The following TUBGCP4 variants were observed in gnomAD, a reference collection of about 807,000 sequenced individuals.
TUBGCP4 encodes the protein tubulin gamma complex component 4, also known as gamma-tubulin complex component 4.
TUBGCP4 carries 54 observed loss-of-function variants against 91.6 expected under a neutral mutation model. That is an observed-to-expected ratio of 0.59 (90% CI 0.47 to 0.74). The LOEUF (loss-of-function observed/expected upper bound fraction) is 0.74, where lower values mean the gene tolerates loss of function less well. TUBGCP4 is among the 30% of genes least tolerant of loss of function. The pLI, the probability that TUBGCP4 is intolerant of heterozygous loss-of-function variation, is 0.00. For synonymous variants in TUBGCP4, 297 were observed against 302.8 expected (o/e 0.98, Z 0.20); for missense variants, 593 against 800.9 (o/e 0.74, Z 3.13).
Position 43,408,920 on chromosome 15 carries a change from A to G in TUBGCP4, c.*3706A>G, listed in dbSNP as rs763759838. 1.4e-5 allele frequency: 23 copies of G among 1,614,138 alleles called. No individual in the cohort carries two copies. Among genetic ancestry groups the G allele is most frequent in the Non-Finnish European group, 1.8e-5 (21 of 1,180,010 alleles). On this transcript the variant is annotated 3_prime_UTR_variant, in exon 18 of 18. Transcript: ENST00000564079. ...ACCAGTCCAGAATTCTTTGCTCCTC[A>G]AGGCTGTACCCAGCTGGCAACAGAT...
At position 43,409,251 on chromosome 15, in the gene TUBGCP4, TG is replaced by T; in HGVS notation, c.*4039del. On this transcript the variant is annotated 3_prime_UTR_variant, in exon 18 of 18. Transcript: ENST00000564079. Reference sequence around the variant, plus strand: ...TCCTGCCCAAGGCCACTCTTCTCACTGGAAGGCCCAAGTAATTTCCATAGAT... The same window carrying T: ...TCCTGCCCAAGGCCACTCTTCTCACTGAAGGCCCAAGTAATTTCCATAGAT... 4.5e-6 allele frequency: 3 copies of T among 666,310 alleles called. No homozygotes were observed. Among genetic ancestry groups the T allele is most frequent in the Non-Finnish European group, 7.7e-6 (3 of 387,720 alleles). 41.3% of individuals were successfully genotyped at this position (666,310 alleles called of 1,614,324 possible).
chr15:43,397,403 G>C, intron 12 of TUBGCP4, 82 bp downstream of exon 12: 1 of 1,015,070 alleles, frequency 9.9e-7, no homozygotes, highest in Non-Finnish European at 1.6e-6. Context: ...CCCCGCCACA[G>C]AAACCATATG....
intron 16 of TUBGCP4, chr15:43,404,194 T>C (rs1295050921): frequency 3.5e-6 from 2 of 564,552 alleles, no homozygotes; most frequent in Non-Finnish European, 6.2e-6. Flanking sequence ...AGCTACTAAA[T>C]TCCTACTGAT....
Position 43,401,910 on chromosome 15 carries a change from G to C in TUBGCP4, c.1731+60G>C, listed in dbSNP as rs2444036. The C allele has an allele frequency of 0.17, 274,574 of 1,574,486 alleles. 35,952 individuals are homozygous for C. The highest frequency in any genetic ancestry group is 0.64 in the African/African-American group (46,929 of 73,040). On this transcript the variant is annotated intron_variant, in intron 15 of 17. Transcript: ENST00000564079. ...CTACCACTGACCATTCCCTTAGGCA[G>C]TTTGAGTTGACAGGATACGAAACCA...
rs1262921923 is a variant in TUBGCP4, at chr15:43,407,586, G to A, written c.*2372G>A. The A allele has an allele frequency of 1.9e-6, 3 of 1,600,326 alleles. No homozygotes were observed. The highest frequency in any genetic ancestry group is 2.6e-6 in the Non-Finnish European group (3 of 1,171,346). On this transcript the variant is annotated 3_prime_UTR_variant, in exon 18 of 18. Transcript: ENST00000564079. ...AAAGCAATATCTGCAAGGAGCAAGGGAAAGTGAAGAAGGAAAGGACACTCA... is the reference window on the plus strand; with the variant it reads ...AAAGCAATATCTGCAAGGAGCAAGGAAAAGTGAAGAAGGAAAGGACACTCA...
At chr15:43,386,735 A>G (rs1057472767) in intron 9 of TUBGCP4, among the ~76,000 whole-genome samples, 3 of 150,894 alleles carry the variant, frequency 2.0e-5, no homozygotes, top group Non-Finnish European at 3.0e-5. Context: ...CAAAAAAAAA[A>G]AAAAAAAAAA....
At chr15:43,391,843 G>C (rs920294279) in intron 9 of TUBGCP4, 2 of 152,210 alleles carry the variant, frequency 1.3e-5, no homozygotes, top group Non-Finnish European at 2.9e-5. Flanking sequence ...TTGATGTCAG[G>C]AGTTTGAGAC....
Position 43,404,293 on chromosome 15 carries a change from A to G in TUBGCP4, c.1849-120A>G. 8.2e-6 allele frequency: 10 copies of G among 1,221,664 alleles called. No homozygotes were observed. The South Asian group carries it at 1.5e-4, about 19-fold the overall frequency. 75.7% of individuals were successfully genotyped at this position (1,221,664 alleles called of 1,614,324 possible). On this transcript the variant is annotated intron_variant, in intron 16 of 17. Transcript: ENST00000564079. ...ATAGAAATAGGAATGTGGGAAGGCC[A>G]GGTGGTTCTGTAGAATTTTGAACAA...
rs1341346737 is a variant in TUBGCP4 at position 43,409,443 on chromosome 15, A to G, written c.*4229A>G. ...TTGTCCCAGCAACAGAACCATAGCC[A>G]TTAACTAACCCAAGGTCCTACCTTC... On this transcript the variant is annotated 3_prime_UTR_variant, in exon 18 of 18. Coordinates refer to ENST00000564079, the MANE Select transcript of TUBGCP4 (RefSeq NM_014444.5). The G allele has an allele frequency of 1.3e-5, 7 of 536,952 alleles. No homozygotes were observed. The East Asian group carries it at 2.0e-4, about 16-fold the overall frequency. The allele number at this position is 536,952 out of a possible 1,614,324, so 33.3% of individuals were successfully genotyped here.
At chr15:43,391,859 T>A (rs1001382397) in intron 9 of TUBGCP4, 3 of 152,236 alleles carry the variant, frequency 2.0e-5, no homozygotes, top group African/African-American at 7.2e-5. Context: ...GAGACCAGCC[T>A]GGCCAACATG....
Position 43,404,415 on chromosome 15 carries a change from CTTTAG to C in TUBGCP4, c.1852_1856del (p.Phe618ProfsTer32). The C allele has an allele frequency of 6.2e-7, 1 of 1,614,054 alleles. No homozygotes were observed. On this transcript the variant is annotated frameshift_variant, in exon 17 of 18. Coordinates refer to ENST00000564079, the MANE Select transcript of TUBGCP4 (RefSeq NM_014444.5). LOFTEE classifies it high-confidence loss of function. ...CAGCTGAGTCCTTCTCTCTGCAGGG[CTTTAG>C]CCGCCAGTCTTCACTCCTGTTCAAG...
At chr15:43,388,043 G>T (rs902268205) in intron 9 of TUBGCP4, among the ~76,000 whole-genome samples, 6 of 151,822 alleles carry the variant, frequency 4.0e-5, no homozygotes, top group African/African-American at 1.4e-4. Context: ...AGAGATGGGG[G>T]TTTCACCATG....
chr15:43,383,365 T>TC lies in TUBGCP4; in HGVS notation c.586dup (p.Leu196ProfsTer6). The TC allele has an allele frequency of 6.2e-7, 1 of 1,614,196 alleles. No individual in the cohort carries two copies. Among genetic ancestry groups the TC allele is most frequent in the Non-Finnish European group, 8.5e-7 (1 of 1,180,036 alleles). On this transcript the variant is annotated frameshift_variant, in exon 7 of 18. Coordinates refer to ENST00000564079, the MANE Select transcript of TUBGCP4 (RefSeq NM_014444.5). LOFTEE classifies it high-confidence loss of function. ...CTCTCAGCCTGGATGCTCCATGGAC[T>TC]CCTCTTGGACCAGCATGAAGAATTC... is the stretch of plus-strand genomic sequence containing the variant.
At chr15:43,375,020 A>G (rs771343705) in intron 1 of TUBGCP4, among the ~76,000 whole-genome samples, 20 of 152,210 alleles carry the variant, frequency 1.3e-4, no homozygotes, top group Middle Eastern at 3.2e-3. Context: ...CTCATGCCTC[A>G]GCCTCCCAAG....
intron 4 of TUBGCP4, chr15:43,377,611 C>CAAAAAAAAAAAAAA: frequency 7.8e-6 from 2 of 257,298 alleles, no homozygotes; most frequent in South Asian, 3.9e-5. Flanking sequence ...GACCCTGTCT[C>CAAAAAAAAAAAAAA]AAAAAAAAAA....
In TUBGCP4 at chr15:43,403,955, A is replaced by T. The variant is rs910362530; in HGVS notation, c.1848+156A>T. 7 of 612,842 alleles carry T rather than the reference A, an allele frequency of 1.1e-5. No individual in the cohort carries two copies. In the African/African-American group the frequency reaches 1.8e-4, roughly 15 times the overall value. The allele number at this position is 612,842 out of a possible 1,614,324, so 38.0% of individuals were successfully genotyped here. A position where few individuals can be genotyped will look rare whatever the true frequency, so the allele number is the denominator to read the frequency against. ...AAGATAAAAATGTTGGTATCAGTTGATTTTGAAGCAGGTAATACTGTGCCA... is the reference window on the plus strand; with the variant it reads ...AAGATAAAAATGTTGGTATCAGTTGTTTTTGAAGCAGGTAATACTGTGCCA... On this transcript the variant is annotated intron_variant, in intron 16 of 17. Coordinates refer to ENST00000564079, the MANE Select transcript of TUBGCP4 (RefSeq NM_014444.5).
At chr15:43,401,642 A>T in intron 14 of TUBGCP4, 74 bp from the exon 15 acceptor site, 2 of 1,497,902 alleles carry the variant, frequency 1.3e-6, no homozygotes, top group Non-Finnish European at 1.8e-6. Flanking sequence ...TTTCATTTCA[A>T]TCTGTCAGGC....
At position 43,405,261 on chromosome 15, in the gene TUBGCP4, G is replaced by A. The variant is rs3742973; in HGVS notation, c.*47G>A. The A allele has an allele frequency of 2.8e-4, 457 of 1,607,472 alleles. 3 individuals carry two copies. The East Asian group carries it at 9.4e-3, about 33-fold the overall frequency. ...AAATAACAGCCACGTTCCCAAGGTT[G>A]TAACAGAAGATTCAAAACATCCCAT... On this transcript the variant is annotated 3_prime_UTR_variant, in exon 18 of 18. Coordinates refer to ENST00000564079, the MANE Select transcript of TUBGCP4 (RefSeq NM_014444.5).
intron 14 of TUBGCP4, 45 bp from the exon 15 acceptor site, chr15:43,401,671 G>C (rs1185272218): frequency 6.2e-7 from 1 of 1,605,092 alleles, no homozygotes; most frequent in East Asian, 2.2e-5. Context: ...GTCTTCGAGT[G>C]CTTAGAATAT....
Sources: allele counts gnomAD v4.1 joint callset (sites outside exome capture counted in the v4.1 genomes callset), GRCh38; gene constraint gnomAD v4.1.1; transcripts MANE v1.5; gene names NCBI Gene and HGNC (gene_info 2026-07-23, HGNC 2026-07-21).